The following TSPAN17 variants were observed in gnomAD, a reference collection of about 807,000 sequenced individuals.
TSPAN17 encodes the protein tetraspanin-17.
In TSPAN17, 33 loss-of-function variants were observed where a neutral mutation model predicts 40.5. That is an observed-to-expected ratio of 0.81 (90% CI 0.62 to 1.09). The LOEUF is 1.09. Among genes scored for constraint, TSPAN17 ranks in the 50% least tolerant of loss-of-function variants. The probability of loss-of-function intolerance (pLI) is 0.00; values close to 1 mark genes in which losing one functional copy is unlikely to be tolerated. For synonymous variants in TSPAN17, 166 were observed against 169.4 expected, an observed-to-expected ratio of 0.98 and a Z score of 0.15; for missense variants, 365 against 416.8, an observed-to-expected ratio of 0.88 and a Z score of 1.08.
chr5:176,658,154 G>A lies in TSPAN17; in HGVS notation c.*456G>A, dbSNP rs1761230112. The A allele has an allele frequency of 6.4e-6, 1 of 155,264 alleles. No homozygotes were observed. Among genetic ancestry groups the A allele is most frequent in the South Asian group, 2.0e-4 (1 of 5,030 alleles). The allele number at this position is 155,264 out of a possible 1,614,324, so 9.6% of individuals were successfully genotyped here. A position where few individuals can be genotyped will look rare whatever the true frequency, so the allele number is the denominator to read the frequency against. On this transcript the variant is annotated 3_prime_UTR_variant, in exon 9 of 9. Transcript: ENST00000508164. ...TGGATGGTTGACTCCTAGGAGTCAA[G>A]TTCAGCATCTTCACCGTGGCTGCAG...
intron 1 of TSPAN17, among the ~76,000 whole-genome samples, chr5:176,648,316 T>C (rs928499959): frequency 6.6e-6 from 1 of 152,164 alleles, no homozygotes. Flanking sequence ...GTTGAGAGCC[T>C]GGGAGCTGGC....
At chr5:176,653,014 T>TGG in intron 4 of TSPAN17, 101 bp downstream of exon 4, 1 of 1,330,124 alleles carries the variant, frequency 7.5e-7, no homozygotes, top group South Asian at 1.3e-5. Context: ...CTTACCCACC[T>TGG]GGGCTAGCGG....
intron 6 of TSPAN17, 120 bp downstream of exon 6, chr5:176,656,245 C>A: frequency 9.2e-7 from 1 of 1,090,470 alleles, no homozygotes; most frequent in Non-Finnish European, 1.3e-6. Context: ...TGCTGAGTCC[C>A]AGGAACCAGC....
In TSPAN17 at chr5:176,655,014, C is replaced by G; in HGVS notation, c.576C>G (p.Asp192Glu). The change falls in exon 5 of 9, where the codon GAC becomes GAG. Residue 192 changes from aspartate to glutamate, a missense_variant. Transcript: ENST00000508164. ...TGCCCTTCTCCTGCTGCGTCAGGGA[C>G]CCTGCGGTGAGTGGGGCTGGGGGAG... ...CGVPFSCCVRDPAEDVLNTQC... is the reference protein window; with the variant it reads ...CGVPFSCCVREPAEDVLNTQC... 1 of 1,604,700 alleles carries G rather than the reference C, an allele frequency of 6.2e-7. No individual in the cohort carries two copies. The highest frequency in any genetic ancestry group is 8.5e-7 in the Non-Finnish European group (1 of 1,175,338).
chr5:176,657,353 T>C lies in TSPAN17; in HGVS notation c.810-165T>C, dbSNP rs1314398162. 3.2e-6 allele frequency: 4 copies of C among 1,251,858 alleles called. No individual in the cohort carries two copies. In the East Asian group the frequency reaches 7.6e-5, roughly 24 times the overall value. The allele number at this position is 1,251,858 out of a possible 1,614,324, so 77.5% of individuals were successfully genotyped here. ...CCCAGTGCTGGGACGCACCTTTCTG[T>C]GCGTAGCTGTATGGGGCGCGTTGCC... On this transcript the variant is annotated intron_variant, in intron 8 of 8. Coordinates refer to ENST00000508164, the MANE Select transcript of TSPAN17 (RefSeq NM_130465.5).
Position 176,654,778 on chromosome 5 carries a change from GCTGTCCCAGCC to G in TSPAN17, c.457-107_457-97del, listed in dbSNP as rs1761087168. On this transcript the variant is annotated intron_variant, in intron 4 of 8. Coordinates refer to ENST00000508164, the MANE Select transcript of TSPAN17 (RefSeq NM_130465.5). This position sits in a 1 kb window ranked among gnomAD's most constrained non-coding sequence, Gnocchi z 4.3. The stretch of plus-strand genomic sequence containing the variant: ...GGGTGGGGAGGTGGCCACCCACTTG[GCTGTCCCAGCC>G]CTGTCCCAGACAGCCCTGTATTCCT... 1 of 1,360,352 alleles carries G rather than the reference GCTGTCCCAGCC, an allele frequency of 7.4e-7. No individual in the cohort carries two copies. 84.3% of individuals were successfully genotyped at this position (1,360,352 alleles called of 1,614,324 possible).
Position 176,652,653 on chromosome 5 carries a change from A to G in TSPAN17, c.286-90A>G, listed in dbSNP as rs951279892. ...CCTCTGGGTCTTGGTGGAGGTAGGGATGGAGCCCTTCCCTGTGGCACACCC... is the reference window on the plus strand; with the variant it reads ...CCTCTGGGTCTTGGTGGAGGTAGGGGTGGAGCCCTTCCCTGTGGCACACCC... On this transcript the variant is annotated intron_variant, in intron 3 of 8. Coordinates refer to ENST00000508164, the MANE Select transcript of TSPAN17 (RefSeq NM_130465.5). The G allele has an allele frequency of 4.5e-6, 6 of 1,319,000 alleles. No homozygotes were observed. In the African/African-American group the frequency reaches 7.3e-5, roughly 16 times the overall value. 81.7% of individuals were successfully genotyped at this position (1,319,000 alleles called of 1,614,324 possible). A position where few individuals can be genotyped will look rare whatever the true frequency, so the allele number is the denominator to read the frequency against.
intron 4 of TSPAN17, chr5:176,653,663 A>T (rs1761048893): frequency 6.6e-6 from 1 of 152,338 alleles, no homozygotes; most frequent in African/African-American, 2.4e-5. Context: ...ACACACGGCG[A>T]CAGGCCCTTG....
rs1314117970 is a variant in TSPAN17 at position 176,650,144 on chromosome 5, G to A, written c.88-1472G>A. 6.6e-6 allele frequency among the ~76,000 whole-genome samples: 1 copy of A among 152,162 alleles called. No individual in the cohort carries two copies. Among genetic ancestry groups the A allele is most frequent in the East Asian group, 1.9e-4 (1 of 5,182 alleles). ...GCATGGCGGCGATCAGTGCCGGTGG[G>A]TCGTGGAGGTGTTTGCTGCAGGCGG... On this transcript the variant is annotated intron_variant, in intron 1 of 8. Coordinates refer to ENST00000508164, the MANE Select transcript of TSPAN17 (RefSeq NM_130465.5). This position sits in a 1 kb window ranked among gnomAD's most constrained non-coding sequence, Gnocchi z 4.0.
chr5:176,656,619 G>A lies in TSPAN17; in HGVS notation c.631-81G>A, dbSNP rs960429533. 4.3e-6 allele frequency: 6 copies of A among 1,391,144 alleles called. No individual in the cohort carries two copies. The African/African-American group carries it at 7.1e-5, about 16-fold the overall frequency. The allele number at this position is 1,391,144 out of a possible 1,614,324, so 86.2% of individuals were successfully genotyped here. On this transcript the variant is annotated intron_variant, in intron 6 of 8. Transcript: ENST00000508164. Reference sequence around the variant, plus strand: ...GTACTGCAGGTTTAGACCCTGGGGTGGGCGTGAGCTTGGCAGGCTGGGAGG... The same window carrying A: ...GTACTGCAGGTTTAGACCCTGGGGTAGGCGTGAGCTTGGCAGGCTGGGAGG...
chr5:176,651,805 G>A lies in TSPAN17; in HGVS notation c.190G>A (p.Val64Met), dbSNP rs142662282. The A allele has an allele frequency of 1.2e-5, 20 of 1,614,136 alleles. No homozygotes were observed. The African/African-American group carries it at 2.4e-4, about 19-fold the overall frequency. ...GACAGATCTGGGAGGCCTTGACCCC[G>A]TGTGGCTGTTTGTGGTAGTTGGAGG... ...ALTDLGGLDP[V>M]WLFVVVGGVM... Residue 64 changes from valine to methionine, a missense_variant, in exon 3 of 9, where the codon GTG (valine) becomes ATG (methionine). By Grantham distance (21) the Val-to-Met change is conservative. Coordinates refer to ENST00000508164, the MANE Select transcript of TSPAN17 (RefSeq NM_130465.5). The surrounding 1 kb of genome is among the most constrained non-coding windows in gnomAD (Gnocchi z 4.5).
In TSPAN17 at chr5:176,650,694, T is replaced by C. The variant is rs1186274490; in HGVS notation, c.88-922T>C. 6.6e-6 allele frequency among the ~76,000 whole-genome samples: 1 copy of C among 152,050 alleles called. No homozygotes were observed. The highest frequency in any genetic ancestry group is 6.5e-5 in the Admixed American group (1 of 15,276). On this transcript the variant is annotated intron_variant, in intron 1 of 8. Transcript: ENST00000508164. This position sits in a 1 kb window ranked among gnomAD's most constrained non-coding sequence, Gnocchi z 4.0. ...CCCACGGTCAGGGAAGGGAAGGTGA[T>C]AAAGGCCTTGGCCGTGGCTATGTGC...
chr5:176,655,758 G>A (rs113924275), intron 5 of TSPAN17, among the ~76,000 whole-genome samples: 14 of 150,600 alleles, frequency 9.3e-5, no homozygotes, highest in Admixed American at 6.6e-4. Flanking sequence ...AAAATTAGAC[G>A]GGCATGGTGG....
At chr5:176,657,257 G>T (rs1761196269) in intron 8 of TSPAN17, 4 of 656,634 alleles carry the variant, frequency 6.1e-6, no homozygotes, top group Non-Finnish European at 1.0e-5. Context: ...ACTAGGAAGG[G>T]CGCAGCTCAG....
rs961851601 is a variant in TSPAN17 at position 176,647,563 on chromosome 5, C to T, written c.-53C>T. On this transcript the variant is annotated 5_prime_UTR_variant, in exon 1 of 9. Transcript: ENST00000508164. Reference sequence around the variant, plus strand: ...CTCTAGCCCAGGGCGGCCCGCGGGGCGCTGGGCCTGGCTCCCGGCTCCGGT... The same window carrying T: ...CTCTAGCCCAGGGCGGCCCGCGGGGTGCTGGGCCTGGCTCCCGGCTCCGGT... 213 of 1,502,224 alleles carry T rather than the reference C, an allele frequency of 1.4e-4. No homozygotes were observed. Among genetic ancestry groups the T allele is most frequent in the Non-Finnish European group, 1.9e-4 (210 of 1,120,780 alleles). 93.1% of individuals were successfully genotyped at this position (1,502,224 alleles called of 1,614,324 possible).
rs1368468745 is a variant in TSPAN17, at chr5:176,657,616, C to T, written c.908C>T (p.Ala303Val). ...CCTCAGCAGAACTCTCTGACTGGGG[C>T]CCCTGGCCCGGCCCCACCCAGCCGA... ...AGPQQNSLTGAPGPAPPSRHV... is the reference protein window; with the variant it reads ...AGPQQNSLTGVPGPAPPSRHV... Residue 303 changes from alanine to valine, a missense_variant, in exon 9 of 9, where the codon GCC becomes GTC. By Grantham distance (64) the Ala-to-Val change is moderately conservative. Transcript: ENST00000508164. 2.5e-6 allele frequency: 4 copies of T among 1,613,684 alleles called. No homozygotes were observed. Among genetic ancestry groups the T allele is most frequent in the Non-Finnish European group, 3.4e-6 (4 of 1,179,906 alleles).
chr5:176,658,974 C>G lies in TSPAN17; in HGVS notation c.*1276C>G, dbSNP rs1334585435. 2.0e-5 allele frequency: 3 copies of G among 152,348 alleles called. No homozygotes were observed. The highest frequency in any genetic ancestry group is 7.2e-5 in the African/African-American group (3 of 41,478). The allele number at this position is 152,348 out of a possible 1,614,324, so 9.4% of individuals were successfully genotyped here. A position where few individuals can be genotyped will look rare whatever the true frequency, so the allele number is the denominator to read the frequency against. ...CCAGCAATGTGGCTCCTTGGCCCCG[C>G]TGGCCAGTGTCCTGGGCCCCTGACA... On this transcript the variant is annotated 3_prime_UTR_variant, in exon 9 of 9. Coordinates refer to ENST00000508164, the MANE Select transcript of TSPAN17 (RefSeq NM_130465.5).
In TSPAN17 at chr5:176,656,966, C is replaced by T. The variant is rs1474567766; in HGVS notation, c.809+10C>T. 6.2e-7 allele frequency: 1 copy of T among 1,611,660 alleles called. No individual in the cohort carries two copies. The highest frequency in any genetic ancestry group is 8.5e-7 in the Non-Finnish European group (1 of 1,178,440). ...CAGTGAAAGCCAACTGGTGAGGCCG[C>T]CAGAGGCCATGGCCACATGCCTGGC... On this transcript the variant is annotated intron_variant, in intron 8 of 8. Transcript: ENST00000508164.
rs1019695965 is a variant in TSPAN17, at chr5:176,654,854, G to A, written c.457-41G>A. 4.4e-6 allele frequency: 7 copies of A among 1,608,960 alleles called. No individual in the cohort carries two copies. The Admixed American group carries it at 1.2e-4, about 27-fold the overall frequency. ...TTCCCAAACAGGGTGAGGCTCCTGG[G>A]ATGGGCCTGGCTCACCTGGGGCTCT... On this transcript the variant is annotated intron_variant, in intron 4 of 8. Coordinates refer to ENST00000508164, the MANE Select transcript of TSPAN17 (RefSeq NM_130465.5). This position sits in a 1 kb window ranked among gnomAD's most constrained non-coding sequence, Gnocchi z 4.3.
Sources: allele counts gnomAD v4.1 joint callset (sites outside exome capture counted in the v4.1 genomes callset), GRCh38; gene constraint gnomAD v4.1.1; non-coding constraint Gnocchi (gnomAD v3.1); transcripts MANE v1.5; gene names NCBI Gene and HGNC (gene_info 2026-07-23, HGNC 2026-07-21).